Variants in PCDH15 observed in about 807,000 individuals in gnomAD.
The protein encoded by PCDH15 is protocadherin related 15.
PCDH15 carries 129 observed loss-of-function variants against 178.5 expected under a neutral mutation model. That is an observed-to-expected ratio of 0.72 (90% confidence interval 0.63 to 0.84). The LOEUF (loss-of-function observed/expected upper bound fraction) is 0.84, where lower values mean the gene tolerates loss of function less well. Among genes scored for constraint, PCDH15 ranks in the 40% least tolerant of loss-of-function variants. The pLI, the probability that PCDH15 is intolerant of heterozygous loss-of-function variation, is 0.00. For synonymous variants in PCDH15, 800 were observed against 732.0 expected, an observed-to-expected ratio of 1.09 and a Z score of -1.50; for missense variants, 2,230 against 2,099.9, an observed-to-expected ratio of 1.06 and a Z score of -1.21.
At chr10:54,984,682 A>T (rs1044825552) in intron 2 of PCDH15, among the ~76,000 whole-genome samples, 4 of 152,100 alleles carry the variant, frequency 2.6e-5, no homozygotes, top group African/African-American at 4.8e-5. Flanking sequence ...CTACAAAAAA[A>T]ATTTAAAAAT....
intron 2 of PCDH15, among the ~76,000 whole-genome samples, chr10:55,369,530 C>T (rs934589790): frequency 2.6e-5 from 4 of 151,914 alleles, no homozygotes; most frequent in African/African-American, 7.2e-5. Flanking sequence ...TATTTTGCAC[C>T]GTACTAAATA....
intron 9 of PCDH15, among the ~76,000 whole-genome samples, chr10:54,218,087 T>C (rs1003878837): frequency 7.9e-5 from 12 of 152,112 alleles, no homozygotes; most frequent in Non-Finnish European, 1.8e-4. Flanking sequence ...TTTTGTAAAT[T>C]AGAAAATAAG....
chr10:54,353,687 C>T (rs2134300409), intron 5 of PCDH15, among the ~76,000 whole-genome samples: 1 of 151,834 alleles, frequency 6.6e-6, no homozygotes, highest in East Asian at 1.9e-4. Context: ...CTATTTTATT[C>T]TGTTTCATTA....
At chr10:54,122,075 TGCCTCTGAAGAACACA>T (rs1420906968) in intron 15 of PCDH15, among the ~76,000 whole-genome samples, 1 of 148,322 alleles carries the variant, frequency 6.7e-6, no homozygotes, top group Non-Finnish European at 1.5e-5. Context: ...TACTGGCCCA[TGCCTCTGAAGAACACA>T]GACACAAAAA....
intron 2 of PCDH15, among the ~76,000 whole-genome samples, chr10:55,390,811 A>C (rs1259353491): frequency 1.3e-5 from 2 of 152,198 alleles, no homozygotes; most frequent in East Asian, 3.9e-4. Flanking sequence ...GAGCAGTAGT[A>C]ATATTTCAAA....
At chr10:54,280,956 CTT>C (rs1379133203) in intron 8 of PCDH15, among the ~76,000 whole-genome samples, 1 of 151,732 alleles carries the variant, frequency 6.6e-6, no homozygotes, top group Non-Finnish European at 1.5e-5. Context: ...TTAAAAATAA[CTT>C]TGCTTAAACA....
At chr10:54,150,085 TA>T (rs2044372505) in intron 14 of PCDH15, among the ~76,000 whole-genome samples, 1 of 152,088 alleles carries the variant, frequency 6.6e-6, no homozygotes, top group Non-Finnish European at 1.5e-5. Context: ...ATGTAGGAAG[TA>T]AACTCTTCCA....
At chr10:54,285,044 T>C (rs996904673) in intron 8 of PCDH15, among the ~76,000 whole-genome samples, 25 of 152,116 alleles carry the variant, frequency 1.6e-4, no homozygotes, top group African/African-American at 5.8e-4. Flanking sequence ...GAAACTTAAC[T>C]CAATAAAATT....
At chr10:55,283,495 C>T (rs1244727765) in intron 1 of PCDH15, among the ~76,000 whole-genome samples, 1 of 151,792 alleles carries the variant, frequency 6.6e-6, no homozygotes, top group Non-Finnish European at 1.5e-5. Context: ...GATAAATTGG[C>T]TCTGTCAAGG....
At chr10:54,420,619 A>G (rs561016070) in intron 3 of PCDH15, among the ~76,000 whole-genome samples, 29 of 152,164 alleles carry the variant, frequency 1.9e-4, no homozygotes, top group African/African-American at 5.8e-4. Flanking sequence ...AGTTCTTAAG[A>G]GATCCCTTTG....
Position 54,153,147 on chromosome 10 carries a change from G to A in PCDH15, c.1737C>T (p.Tyr579=), listed in dbSNP as rs1057517251. 3 of 1,613,778 alleles carry A rather than the reference G, an allele frequency of 1.9e-6. No individual in the cohort carries two copies. The highest frequency in any genetic ancestry group is 2.2e-5 in the East Asian group (1 of 44,870). Residue 579 remains tyrosine, a synonymous_variant, in exon 14 of 38, where the codon TAC becomes TAT. Transcript: ENST00000644397. Reference sequence around the variant, plus strand: ...TATCCGCTGCTTGGACCGTGAGTGCGTAAGTCCGCCCGACTATCATTTCCA... The same window carrying A: ...TATCCGCTGCTTGGACCGTGAGTGCATAAGTCCGCCCGACTATCATTTCCA... ...PGVEMIVGRT[Y]ALTVQAADNA...
Position 53,806,828 on chromosome 10 carries a change from T to C in PCDH15, c.4974A>G (p.Pro1658=). ...TTGCATTCATTTTTTCAGTAGAAAATGGCCCCTTTGATAATGTGTTCAGAG... is the reference window on the plus strand; with the variant it reads ...TTGCATTCATTTTTTCAGTAGAAAACGGCCCCTTTGATAATGTGTTCAGAG... ...NVPLNTLSKG[P]FSTEKMNARP... Residue 1658 remains proline (P), a synonymous_variant, in exon 38 of 38, where the codon CCA becomes CCG. Transcript: ENST00000644397. The C allele has an allele frequency of 1.2e-6, 2 of 1,613,900 alleles. No individual in the cohort carries two copies. The highest frequency in any genetic ancestry group is 1.7e-6 in the Non-Finnish European group (2 of 1,179,822).
chr10:54,787,857 G>T (rs1951035439), intron 1 of PCDH15, among the ~76,000 whole-genome samples: 1 of 151,930 alleles, frequency 6.6e-6, no homozygotes, highest in South Asian at 2.1e-4. Context: ...TTTTCAATTA[G>T]TTAGAACAAT....
At chr10:54,514,745 AGG>A (rs1409505388) in intron 3 of PCDH15, among the ~76,000 whole-genome samples, 1 of 152,110 alleles carries the variant, frequency 6.6e-6, no homozygotes, top group Non-Finnish European at 1.5e-5. Context: ...TCAGGGTCCA[AGG>A]TGTTAAAAGA....
At chr10:54,374,214 A>AAGAT (rs566495354) in intron 4 of PCDH15, among the ~76,000 whole-genome samples, 200 of 152,184 alleles carry the variant, frequency 1.3e-3, no homozygotes, top group African/African-American at 2.6e-3. Context: ...ATGGAGATGC[A>AAGAT]AGATACAAGG....
chr10:54,266,052 A>T (rs556591615), intron 8 of PCDH15, among the ~76,000 whole-genome samples: 90 of 27,130 alleles, frequency 3.3e-3, no homozygotes, highest in African/African-American at 6.1e-3. Flanking sequence ...TCAAGAAATT[A>T]AAAAAAATAT....
At chr10:54,996,712 T>C (rs894926413) in intron 2 of PCDH15, among the ~76,000 whole-genome samples, 3 of 152,198 alleles carry the variant, frequency 2.0e-5, no homozygotes, top group African/African-American at 7.2e-5. Context: ...TAGGCTTTTA[T>C]GCTGCTGTTC....
chr10:54,218,979 C>G lies in PCDH15; in HGVS notation c.986-4931G>C, dbSNP rs908133628. 2.6e-5 allele frequency among the ~76,000 whole-genome samples: 4 copies of G among 151,004 alleles called. No individual in the cohort carries two copies. In the South Asian group the frequency reaches 6.3e-4, roughly 24 times the overall value. On this transcript the variant is annotated intron_variant, in intron 9 of 37. Coordinates refer to ENST00000644397, the MANE Select transcript of PCDH15 (RefSeq NM_001384140.1). ...AGATTAAAAGAGACTTAGGGCTGGG[C>G]GCAGTGGCTCACGCCTGTAATCCCA...
At chr10:55,037,942 T>G (rs1840778043) in intron 2 of PCDH15, among the ~76,000 whole-genome samples, 4 of 152,208 alleles carry the variant, frequency 2.6e-5, no homozygotes. Context: ...ACCCATATTA[T>G]TTATTCTGCT....
Sources: gnomAD v4.1 joint callset for allele counts (sites outside exome capture counted in the v4.1 genomes callset) on GRCh38, gnomAD v4.1.1 for gene constraint, MANE v1.5 for transcripts, NCBI Gene and HGNC (gene_info 2026-07-23, HGNC 2026-07-21) for gene names.